The following KCNMB2 variants were observed in gnomAD, a reference collection of about 807,000 sequenced individuals.
KCNMB2 encodes potassium calcium-activated channel subfamily M regulatory beta subunit 2.
KCNMB2 carries 9 observed loss-of-function variants against 24.5 expected under a neutral mutation model. The ratio of observed to expected loss-of-function variants is 0.37; its 90% confidence interval spans 0.22 to 0.64. KCNMB2 has a LOEUF of 0.64. Among genes scored for constraint, KCNMB2 ranks in the 30% least tolerant of loss-of-function variants. The pLI, the probability that KCNMB2 is intolerant of heterozygous loss-of-function variation, is 0.63. For synonymous variants in KCNMB2, 109 were observed against 104.4 expected (o/e 1.04, Z -0.27); for missense variants, 226 against 284.3 (o/e 0.79, Z 1.47).
At chr3:178,655,474 GAA>G (rs997734999) in intron 1 of KCNMB2, among the ~76,000 whole-genome samples, 5 of 152,132 alleles carry the variant, frequency 3.3e-5, no homozygotes, top group African/African-American at 9.7e-5. Flanking sequence ...GCTGAGAAAT[GAA>G]AAGAGAAAGC....
At chr3:178,811,165 TG>T (rs1361042920) in intron 2 of KCNMB2, among the ~76,000 whole-genome samples, 1 of 152,210 alleles carries the variant, frequency 6.6e-6, no homozygotes, top group Non-Finnish European at 1.5e-5. Context: ...TTCTTTAAAT[TG>T]TTTTTTTAAA....
chr3:178,628,188 C>T (rs915481445), intron 1 of KCNMB2, among the ~76,000 whole-genome samples: 2 of 152,176 alleles, frequency 1.3e-5, no homozygotes, highest in Admixed American at 1.3e-4. Flanking sequence ...CCTCTCCCTT[C>T]TTGTCAACAT....
At chr3:178,542,316 C>T (rs1715647380) in intron 1 of KCNMB2, among the ~76,000 whole-genome samples, 1 of 152,240 alleles carries the variant, frequency 6.6e-6, no homozygotes, top group Non-Finnish European at 1.5e-5. Context: ...TAATAACTAC[C>T]TGGTTGGGTT....
intron 1 of KCNMB2, among the ~76,000 whole-genome samples, chr3:178,733,443 G>C (rs1370989290): frequency 6.6e-6 from 1 of 152,194 alleles, no homozygotes; most frequent in Non-Finnish European, 1.5e-5. Context: ...GTTTTGAGAA[G>C]AGGAGGGATA....
At chr3:178,732,020 C>T (rs1038097047) in intron 1 of KCNMB2, among the ~76,000 whole-genome samples, 4 of 151,896 alleles carry the variant, frequency 2.6e-5, no homozygotes, top group African/African-American at 7.3e-5. Flanking sequence ...AAATCCAGAC[C>T]GTGGGAAACA....
chr3:178,661,857 G>C (rs1030674481), intron 1 of KCNMB2, among the ~76,000 whole-genome samples: 1 of 152,114 alleles, frequency 6.6e-6, no homozygotes, highest in East Asian at 1.9e-4. Context: ...GCCTCTTATA[G>C]TCCAAGCATT....
In KCNMB2 at chr3:178,843,387, G is replaced by A. The variant is rs76006933; in HGVS notation, c.*450G>A. 1.2e-5 allele frequency: 3 copies of A among 245,250 alleles called. No homozygotes were observed. In the South Asian group the frequency reaches 1.2e-4, roughly 10 times the overall value. 15.2% of individuals were successfully genotyped at this position (245,250 alleles called of 1,614,324 possible). ...TATTCTAAACTGAGCCCTATAGCAA[G>A]TGAAGGGACCAGATTTCCTAATTAA... On this transcript the variant is annotated 3_prime_UTR_variant, in exon 5 of 5. Coordinates refer to ENST00000452583, the MANE Select transcript of KCNMB2 (RefSeq NM_181361.3).
At chr3:178,668,320 A>C (rs550832281) in intron 1 of KCNMB2, among the ~76,000 whole-genome samples, 2 of 152,240 alleles carry the variant, frequency 1.3e-5, no homozygotes, top group Admixed American at 1.3e-4. Context: ...CAATATTTTC[A>C]GAGAAGATAA....
chr3:178,711,166 C>T (rs1722441419), intron 1 of KCNMB2, among the ~76,000 whole-genome samples: 1 of 152,206 alleles, frequency 6.6e-6, no homozygotes, highest in Non-Finnish European at 1.5e-5. Context: ...GAGAAAATGG[C>T]ACTTGCCAAT....
At chr3:178,690,124 T>C (rs572533967) in intron 1 of KCNMB2, among the ~76,000 whole-genome samples, 2 of 152,334 alleles carry the variant, frequency 1.3e-5, no homozygotes, top group East Asian at 1.9e-4. Flanking sequence ...AACTGTATTA[T>C]GCCATCACCA....
chr3:178,638,514 C>T (rs1327665035), intron 1 of KCNMB2, among the ~76,000 whole-genome samples: 2 of 152,190 alleles, frequency 1.3e-5, no homozygotes, highest in South Asian at 2.1e-4. Flanking sequence ...CTGCTGGAAG[C>T]AATATTTTCT....
At chr3:178,637,932 T>C (rs1382044) in intron 1 of KCNMB2, among the ~76,000 whole-genome samples, 105,535 of 151,974 alleles carry the variant, frequency 0.69, 37,356 homozygotes, top group African/African-American at 0.85. Flanking sequence ...ACTTCTGTTT[T>C]TATTGAGGAG....
At chr3:178,572,572 C>T (rs1395048895) in intron 1 of KCNMB2, among the ~76,000 whole-genome samples, 1 of 152,126 alleles carries the variant, frequency 6.6e-6, no homozygotes, top group African/African-American at 2.4e-5. Context: ...TCTCTACTAC[C>T]TTTGAAAAAG....
At chr3:178,645,780 G>A (rs746615328) in intron 1 of KCNMB2, among the ~76,000 whole-genome samples, 4 of 152,172 alleles carry the variant, frequency 2.6e-5, no homozygotes, top group Admixed American at 1.3e-4. Flanking sequence ...CTCTGACTGA[G>A]GTGGGGAGGG....
At chr3:178,814,985 T>A (rs1714346096) in intron 2 of KCNMB2, among the ~76,000 whole-genome samples, 1 of 152,074 alleles carries the variant, frequency 6.6e-6, no homozygotes, top group South Asian at 2.1e-4. Flanking sequence ...TTAAGTCCCA[T>A]TTGTCAATTT....
In KCNMB2 at chr3:178,837,719, T is replaced by C. The variant is rs78400101; in HGVS notation, c.424-4934T>C. Among the ~76,000 whole-genome samples, 1,029 of 152,076 alleles carry C rather than the reference T, an allele frequency of 6.8e-3. 10 individuals carry two copies. The highest frequency in any genetic ancestry group is 0.02 in the African/African-American group (850 of 41,470). On this transcript the variant is annotated intron_variant, in intron 4 of 4. Transcript: ENST00000452583. ...TCAAGTATGGACCATGCCTCATCCA[T>C]CCAGCCCACATGCATGCAATGAAAG...
At chr3:178,686,465 G>T (rs992727368) in intron 1 of KCNMB2, among the ~76,000 whole-genome samples, 2 of 152,080 alleles carry the variant, frequency 1.3e-5, no homozygotes, top group Non-Finnish European at 2.9e-5. Context: ...AGGTAAAGAC[G>T]TTCTTTTCTT....
chr3:178,597,171 C>T (rs564908280), intron 1 of KCNMB2, among the ~76,000 whole-genome samples: 1 of 152,092 alleles, frequency 6.6e-6, no homozygotes, highest in Non-Finnish European at 1.5e-5. Flanking sequence ...CATTCTTATG[C>T]CTCTTTTCTA....
rs1716092084 is a variant in KCNMB2 at position 178,555,465 on chromosome 3, A to T, written c.-68+18754A>T. Among the ~76,000 whole-genome samples, 3 of 152,378 alleles carry T rather than the reference A, an allele frequency of 2.0e-5. No individual in the cohort carries two copies. The South Asian group carries it at 6.2e-4, about 32-fold the overall frequency. ...TTCTACATCTATAAAATGGGTGCTC[A>T]TAATATTTATCTTGCAGGTCTTTTG... On this transcript the variant is annotated intron_variant, in intron 1 of 4. Transcript: ENST00000452583.
Sources: gnomAD v4.1 joint callset for allele counts (sites outside exome capture counted in the v4.1 genomes callset) on GRCh38, gnomAD v4.1.1 for gene constraint, MANE v1.5 for transcripts, NCBI Gene and HGNC (gene_info 2026-07-23, HGNC 2026-07-21) for gene names.